DCLK1: variants seen among roughly 807,000 people sequenced by gnomAD.
DCLK1 encodes the protein doublecortin like kinase 1.
Under a neutral mutation model 86.2 loss-of-function variants are expected in DCLK1, and 16 were observed. The ratio of observed to expected loss-of-function variants is 0.19; its 90% confidence interval spans 0.13 to 0.28. DCLK1 has a LOEUF of 0.28. Ranked by LOEUF, DCLK1 falls within the 10% of genes least tolerant of loss-of-function variation. The pLI is 1.00. For missense variants in DCLK1, 590 were observed against 940.2 expected, an observed-to-expected ratio of 0.63 and a Z score of 4.87; for synonymous variants, 369 against 370.5, an observed-to-expected ratio of 1.00 and a Z score of 0.05.
intron 3 of DCLK1, among the ~76,000 whole-genome samples, chr13:36,022,693 T>C (rs1881835469): frequency 1.3e-5 from 2 of 152,134 alleles, no homozygotes; most frequent in Admixed American, 1.3e-4. Flanking sequence ...TCCTAAAATA[T>C]ACAAACTACC....
chr13:36,073,375 T>C (rs997304237), intron 3 of DCLK1, among the ~76,000 whole-genome samples: 1 of 152,188 alleles, frequency 6.6e-6, no homozygotes, highest in Non-Finnish European at 1.5e-5. Flanking sequence ...ACATAGGCTA[T>C]CTCACTCCCA....
intron 3 of DCLK1, among the ~76,000 whole-genome samples, chr13:36,031,963 G>C (rs922497970): frequency 2.0e-5 from 3 of 152,046 alleles, no homozygotes; most frequent in Admixed American, 6.5e-5. Flanking sequence ...GGAAGGAGAA[G>C]AGAAAAAAGG....
intron 3 of DCLK1, among the ~76,000 whole-genome samples, chr13:36,100,106 G>A (rs1415192103): frequency 2.7e-5 from 4 of 148,332 alleles, no homozygotes; most frequent in Non-Finnish European, 5.9e-5. Context: ...ACTTTGGGAG[G>A]CTGAGGCAGG....
At chr13:35,990,458 GTCTC>G (rs1236225630) in intron 3 of DCLK1, among the ~76,000 whole-genome samples, 4 of 151,912 alleles carry the variant, frequency 2.6e-5, no homozygotes, top group African/African-American at 9.7e-5. Flanking sequence ...AGTTCTCACT[GTCTC>G]TCTGTTCATC....
intron 16 of DCLK1, among the ~76,000 whole-genome samples, chr13:35,780,090 T>G (rs925988487): frequency 1.3e-5 from 2 of 152,138 alleles, no homozygotes; most frequent in African/African-American, 4.8e-5. Context: ...GCTTTACTAT[T>G]TTTTTAGGCA....
intron 4 of DCLK1, among the ~76,000 whole-genome samples, chr13:35,879,945 G>A (rs931620528): frequency 6.6e-6 from 1 of 152,026 alleles, no homozygotes; most frequent in African/African-American, 2.4e-5. Context: ...TGTCCTCTGA[G>A]GGCATATTAC....
At chr13:35,801,151 A>G (rs2086911235) in intron 15 of DCLK1, among the ~76,000 whole-genome samples, 1 of 152,214 alleles carries the variant, frequency 6.6e-6, no homozygotes, top group Admixed American at 6.5e-5. Context: ...CATAATTATT[A>G]GTACTTTTCT....
chr13:36,113,498 A>C (rs757996907), intron 2 of DCLK1, among the ~76,000 whole-genome samples: 82 of 152,166 alleles, frequency 5.4e-4, no homozygotes, highest in Admixed American at 5.9e-4. Flanking sequence ...TCAAAAACTT[A>C]TATGTATTTT....
At chr13:35,848,389 G>A (rs1300579382) in intron 6 of DCLK1, 5 of 984,580 alleles carry the variant, frequency 5.1e-6, no homozygotes, top group Non-Finnish European at 6.0e-6. Flanking sequence ...ACTATAAATG[G>A]TGTGCTGTTT....
chr13:35,917,633 A>G (rs1422165523), intron 4 of DCLK1, among the ~76,000 whole-genome samples: 5 of 152,230 alleles, frequency 3.3e-5, no homozygotes, highest in African/African-American at 1.2e-4. Context: ...TAAATTAAAC[A>G]ACAACTGAAA....
chr13:36,035,268 C>G (rs1351458364), intron 3 of DCLK1, among the ~76,000 whole-genome samples: 1 of 152,128 alleles, frequency 6.6e-6, no homozygotes, highest in Non-Finnish European at 1.5e-5. Context: ...GCATCTGTTT[C>G]ATAATGTTTT....
intron 3 of DCLK1, among the ~76,000 whole-genome samples, chr13:36,055,107 T>C (rs1475957689): frequency 6.6e-6 from 1 of 151,962 alleles, no homozygotes; most frequent in Non-Finnish European, 1.5e-5. Context: ...AATAAAGAGA[T>C]TAGAGAGGAC....
At chr13:35,858,755 G>T (rs1871224711) in intron 5 of DCLK1, among the ~76,000 whole-genome samples, 1 of 152,166 alleles carries the variant, frequency 6.6e-6, no homozygotes, top group African/African-American at 2.4e-5. Flanking sequence ...GCTTCTATTT[G>T]CATCGCCATC....
intron 10 of DCLK1, among the ~76,000 whole-genome samples, chr13:35,823,229 A>G (rs1311862887): frequency 1.3e-5 from 2 of 152,100 alleles, no homozygotes; most frequent in South Asian, 2.1e-4. Context: ...GGCATGTGCT[A>G]CCTGCCTCAC....
intron 3 of DCLK1, among the ~76,000 whole-genome samples, chr13:36,057,604 T>C (rs1883385007): frequency 6.6e-6 from 1 of 152,182 alleles, no homozygotes; most frequent in Admixed American, 6.5e-5. Flanking sequence ...TGTTCAGGCC[T>C]TGTTTTGTGT....
At chr13:36,087,597 G>A (rs1291711176) in intron 3 of DCLK1, among the ~76,000 whole-genome samples, 1 of 152,158 alleles carries the variant, frequency 6.6e-6, no homozygotes, top group Non-Finnish European at 1.5e-5. Flanking sequence ...GTTTGGACGT[G>A]CAAAGATGTG....
intron 3 of DCLK1, among the ~76,000 whole-genome samples, chr13:36,032,523 G>A (rs571641767): frequency 1.3e-5 from 2 of 152,144 alleles, no homozygotes; most frequent in African/African-American, 2.4e-5. Flanking sequence ...CATGCCATTC[G>A]GTTTGGCTCT....
At chr13:35,960,019 T>C (rs1878372371) in intron 3 of DCLK1, among the ~76,000 whole-genome samples, 1 of 152,148 alleles carries the variant, frequency 6.6e-6, no homozygotes, top group Non-Finnish European at 1.5e-5. Flanking sequence ...TCTTCCCCAA[T>C]GCTTGATCAT....
chr13:35,905,762 A>T lies in DCLK1; in HGVS notation c.824-34422T>A, dbSNP rs534442228. 2.0e-5 allele frequency among the ~76,000 whole-genome samples: 3 copies of T among 152,150 alleles called. No homozygotes were observed. In the East Asian group the frequency reaches 5.8e-4, roughly 29 times the overall value. On this transcript the variant is annotated intron_variant, in intron 4 of 16. Transcript: ENST00000360631. ...GGAGTTCGAGACCAGTCTGGCCAAC[A>T]TGGTGAAACCCTGCCTCTACTAAAA...
Sources: allele counts gnomAD v4.1 joint callset (sites outside exome capture counted in the v4.1 genomes callset), GRCh38; gene constraint gnomAD v4.1.1; transcripts MANE v1.5; gene names NCBI Gene and HGNC (gene_info 2026-07-23, HGNC 2026-07-21).